The following LRRC4C variants were observed in gnomAD, a reference collection of about 807,000 sequenced individuals.
LRRC4C encodes the protein leucine-rich repeat-containing protein 4C.
A neutral mutation model predicts 33.6 loss-of-function variants in LRRC4C; 5 were observed. The observed-to-expected ratio is 0.15, with a 90% CI of 0.08 to 0.31. LRRC4C has a LOEUF of 0.31. Ranked by LOEUF, LRRC4C falls within the 10% of genes least tolerant of loss-of-function variation. The pLI, the probability that LRRC4C is intolerant of heterozygous loss-of-function variation, is 1.00. For synonymous variants in LRRC4C, 329 were observed against 302.0 expected (o/e 1.09, Z -0.93); for missense variants, 560 against 796.7 (o/e 0.70, Z 3.58).
At chr11:41,123,944 T>C (rs2135787070) in intron 1 of LRRC4C, among the ~76,000 whole-genome samples, 1 of 152,304 alleles carries the variant, frequency 6.6e-6, no homozygotes, top group African/African-American at 2.4e-5. Context: ...ATAACATTGT[T>C]TCAGTGAACT....
chr11:40,549,447 C>A (rs1470056777), intron 3 of LRRC4C, among the ~76,000 whole-genome samples: 1 of 152,050 alleles, frequency 6.6e-6, no homozygotes, highest in Non-Finnish European at 1.5e-5. Flanking sequence ...AAAGAAAGAG[C>A]GATGCCATTT....
At chr11:41,347,742 G>A (rs1951847999) in intron 1 of LRRC4C, among the ~76,000 whole-genome samples, 1 of 152,142 alleles carries the variant, frequency 6.6e-6, no homozygotes, top group Admixed American at 6.5e-5. Flanking sequence ...CAGCCAATGT[G>A]GTGAGCAGTG....
In LRRC4C at chr11:40,848,693, T is replaced by A. The variant is rs565820658; in HGVS notation, c.-407+84942A>T. ...TGCAGAGCTGAGTTTAAGTCCTGGA[T>A]ATCCTTGTTAACCTTCTGTCTCATT... is the stretch of plus-strand genomic sequence containing the variant. On this transcript the variant is annotated intron_variant, in intron 2 of 6. Transcript: ENST00000528697. 4.6e-5 allele frequency among the ~76,000 whole-genome samples: 7 copies of A among 152,318 alleles called. No homozygotes were observed. In the East Asian group the frequency reaches 1.4e-3, roughly 29 times the overall value.
At chr11:41,181,703 C>A (rs376746826) in intron 1 of LRRC4C, among the ~76,000 whole-genome samples, 3 of 152,298 alleles carry the variant, frequency 2.0e-5, no homozygotes, top group East Asian at 1.9e-4. Flanking sequence ...AGCCTTGACT[C>A]ACAAATGAGC....
intron 1 of LRRC4C, among the ~76,000 whole-genome samples, chr11:41,135,991 G>C (rs1943242505): frequency 6.6e-6 from 1 of 152,134 alleles, no homozygotes; most frequent in South Asian, 2.1e-4. Flanking sequence ...CATTTATTGA[G>C]TATATACTGT....
At chr11:40,753,286 AG>A (rs1344821263) in intron 2 of LRRC4C, among the ~76,000 whole-genome samples, 1 of 152,000 alleles carries the variant, frequency 6.6e-6, no homozygotes, top group Non-Finnish European at 1.5e-5. Flanking sequence ...AGTATAAGAG[AG>A]GACTTGAACA....
intron 3 of LRRC4C, among the ~76,000 whole-genome samples, chr11:40,459,995 T>C (rs1250367218): frequency 6.6e-6 from 1 of 152,182 alleles, no homozygotes; most frequent in Admixed American, 6.6e-5. Flanking sequence ...AAGTTCCTTT[T>C]AGCAACAATG....
At chr11:40,884,120 T>A (rs540700874) in intron 2 of LRRC4C, among the ~76,000 whole-genome samples, 2 of 152,168 alleles carry the variant, frequency 1.3e-5, no homozygotes, top group Non-Finnish European at 1.5e-5. Context: ...TGTGTCCATG[T>A]GTTCTTATTG....
chr11:41,184,150 A>G (rs1469640239), intron 1 of LRRC4C, among the ~76,000 whole-genome samples: 2 of 152,286 alleles, frequency 1.3e-5, no homozygotes, highest in South Asian at 2.1e-4. Context: ...AAGACCTCTG[A>G]CATGCCTTGG....
intron 2 of LRRC4C, among the ~76,000 whole-genome samples, chr11:40,655,174 T>C (rs17502766): frequency 0.06 from 9,078 of 152,324 alleles, 378 homozygotes; most frequent in Non-Finnish European, 0.086. Context: ...ATTTAGCTGA[T>C]CTGAAGATTT....
chr11:40,705,033 T>TAC (rs747394809), intron 2 of LRRC4C, among the ~76,000 whole-genome samples: 22 of 151,616 alleles, frequency 1.5e-4, no homozygotes, highest in Non-Finnish European at 2.2e-4. Context: ...TTTACACACA[T>TAC]ACACACACAC....
At chr11:40,698,112 A>C (rs1300601258) in intron 2 of LRRC4C, among the ~76,000 whole-genome samples, 1 of 151,738 alleles carries the variant, frequency 6.6e-6, no homozygotes, top group Admixed American at 6.6e-5. Context: ...CTGAACAGAG[A>C]TCTTTACCCA....
At chr11:41,415,732 AAATTCGTTTG>A (rs1365469792) in intron 1 of LRRC4C, among the ~76,000 whole-genome samples, 11 of 152,250 alleles carry the variant, frequency 7.2e-5, no homozygotes, top group African/African-American at 2.6e-4. Flanking sequence ...GATGATATCT[AAATTCGTTTG>A]CAACACTGAT....
chr11:40,737,059 T>C (rs1226647112), intron 2 of LRRC4C, among the ~76,000 whole-genome samples: 5 of 152,152 alleles, frequency 3.3e-5, no homozygotes. Flanking sequence ...GTTTTAGTAC[T>C]AAAGTCTTTG....
At chr11:41,162,627 A>G (rs146428600) in intron 1 of LRRC4C, among the ~76,000 whole-genome samples, 54 of 152,316 alleles carry the variant, frequency 3.5e-4, no homozygotes, top group South Asian at 6.2e-4. Flanking sequence ...CAAGTAACAC[A>G]ATGGCAATTA....
chr11:40,433,544 G>A (rs1951020025), intron 3 of LRRC4C, among the ~76,000 whole-genome samples: 1 of 151,886 alleles, frequency 6.6e-6, no homozygotes, highest in Non-Finnish European at 1.5e-5. Flanking sequence ...AGAGGAAACT[G>A]AAAGGAAAAA....
chr11:41,184,136 T>C (rs1178887339), intron 1 of LRRC4C, among the ~76,000 whole-genome samples: 1 of 152,228 alleles, frequency 6.6e-6, no homozygotes, highest in Admixed American at 6.5e-5. Flanking sequence ...GAGGGGCTGC[T>C]GTTAAGACCT....
intron 1 of LRRC4C, among the ~76,000 whole-genome samples, chr11:41,022,199 A>C (rs1856033536): frequency 6.7e-6 from 1 of 149,084 alleles, no homozygotes; most frequent in Non-Finnish European, 1.5e-5. Context: ...TATCTTACTG[A>C]ATATACAGAA....
At chr11:40,254,824 T>C (rs930204653) in intron 4 of LRRC4C, among the ~76,000 whole-genome samples, 1 of 152,074 alleles carries the variant, frequency 6.6e-6, no homozygotes, top group Non-Finnish European at 1.5e-5. Flanking sequence ...TTTCTGTCTT[T>C]TAGGGACAGG....
Sources: gnomAD v4.1 joint callset for allele counts (sites outside exome capture counted in the v4.1 genomes callset) on GRCh38, gnomAD v4.1.1 for gene constraint, MANE v1.5 for transcripts, NCBI Gene and HGNC (gene_info 2026-07-23, HGNC 2026-07-21) for gene names.